The following ITGAD variants were observed in gnomAD, a reference collection of about 807,000 sequenced individuals.
ITGAD encodes integrin alpha-D.
Under a neutral mutation model 139.0 loss-of-function variants are expected in ITGAD, and 105 were observed. The ratio of observed to expected loss-of-function variants is 0.76; its 90% CI spans 0.65 to 0.89. The LOEUF (loss-of-function observed/expected upper bound fraction) is 0.89. Ranked by LOEUF, ITGAD falls within the 40% of genes least tolerant of loss-of-function variation. ITGAD has a pLI of 0.00. For synonymous variants in ITGAD, 569 were observed against 598.3 expected, an observed-to-expected ratio of 0.95 and a Z score of 0.71; for missense variants, 1,384 against 1,487.3, an observed-to-expected ratio of 0.93 and a Z score of 1.14.
Position 31,414,925 on chromosome 16 carries a change from C to T in ITGAD, c.2217C>T (p.Pro739=), listed in dbSNP as rs2081845561. 3 of 1,614,036 alleles carry T rather than the reference C, an allele frequency of 1.9e-6. No individual in the cohort carries two copies. The highest frequency in any genetic ancestry group is 8.5e-7 in the Non-Finnish European group (1 of 1,179,944). ...TCAACTTCTCACTGGTGAGAGAGCCCATCCCCTCCCCCCAGAACCTGCGTC... is the reference window on the plus strand; with the variant it reads ...TCAACTTCTCACTGGTGAGAGAGCCTATCCCCTCCCCCCAGAACCTGCGTC... ...LHLNFSLVRE[P]IPSPQNLRPV... The change falls in exon 18 of 30, where the codon CCC becomes CCT. Residue 739 remains proline, a synonymous_variant. Coordinates refer to ENST00000389202, the MANE Select transcript of ITGAD (RefSeq NM_005353.3).
Position 31,423,588 on chromosome 16 carries a change from A to G in ITGAD, c.2985A>G (p.Ser995=). Residue 995 remains serine, a synonymous_variant, in exon 26 of 30, where the codon TCA becomes TCG. Coordinates refer to ENST00000389202, the MANE Select transcript of ITGAD (RefSeq NM_005353.3). ...EAPSQSLPCV[S]ERKPPQHSDF... ...CTTCCCAGAGTCTCCCCTGTGTTTCAGAGAGAAAACCTCCCCAGCATTCTG... is the reference window on the plus strand; with the variant it reads ...CTTCCCAGAGTCTCCCCTGTGTTTCGGAGAGAAAACCTCCCCAGCATTCTG... The G allele has an allele frequency of 6.2e-7, 1 of 1,614,024 alleles. No individual in the cohort carries two copies.
In ITGAD at chr16:31,402,182, CTT is replaced by C; in HGVS notation, c.497_498del (p.Phe166Ter). On this transcript the variant is annotated frameshift_variant, in exon 6 of 30. Coordinates refer to ENST00000389202, the MANE Select transcript of ITGAD (RefSeq NM_005353.3). LOFTEE classifies it high-confidence loss of function. ...GCTCTGGAAGCATTGACCAAAATGA[CTT>C]TAACCAGATGAAGGGCTTTGTCCAA... is the stretch of plus-strand genomic sequence containing the variant. ...DGSGSIDQNDFNQMKGFVQAV... is the reference protein window; with the variant it reads ...DGSGSIDQNDXNQMKGFVQAV... 1 of 1,586,764 alleles carries C rather than the reference CTT, an allele frequency of 6.3e-7. No homozygotes were observed. The highest frequency in any genetic ancestry group is 8.6e-7 in the Non-Finnish European group (1 of 1,162,568).
chr16:31,423,700 C>T, intron 26 of ITGAD, 52 bp downstream of exon 26: 1 of 1,561,450 alleles, frequency 6.4e-7, no homozygotes, highest in Non-Finnish European at 8.8e-7. Context: ...ACCGGGGATA[C>T]TGGGAAATGT....
chr16:31,418,459 G>T, intron 22 of ITGAD, 22 bp from the exon 23 acceptor site: 1 of 1,611,196 alleles, frequency 6.2e-7, no homozygotes. Context: ...CCTTCCCATT[G>T]GTCCCTCCTT....
chr16:31,420,235 A>T (rs2081982037), intron 23 of ITGAD, among the ~76,000 whole-genome samples: 1 of 152,148 alleles, frequency 6.6e-6, no homozygotes, highest in Non-Finnish European at 1.5e-5. Context: ...AAGGTCTCTT[A>T]AGAGCCTGGC....
At chr16:31,420,703 T>A (rs2081990815) in intron 23 of ITGAD, among the ~76,000 whole-genome samples, 1 of 152,138 alleles carries the variant, frequency 6.6e-6, no homozygotes, top group South Asian at 2.1e-4. Flanking sequence ...GCCTCTCGAG[T>A]AGCTGGGACT....
intron 5 of ITGAD, 86 bp from the exon 6 acceptor site, chr16:31,402,029 C>A: frequency 1.4e-6 from 2 of 1,480,470 alleles, no homozygotes; most frequent in South Asian, 1.3e-5. Flanking sequence ...ATGCCAAGAA[C>A]AGCCCCCGGG....
intron 23 of ITGAD, among the ~76,000 whole-genome samples, chr16:31,421,249 T>TG (rs1567353051): frequency 6.6e-6 from 1 of 152,084 alleles, no homozygotes; most frequent in African/African-American, 2.4e-5. Flanking sequence ...CCCATGCCCA[T>TG]GGCCATACAT....
chr16:31,400,567 G>A (rs1418539864), intron 5 of ITGAD, among the ~76,000 whole-genome samples: 3 of 152,310 alleles, frequency 2.0e-5, no homozygotes, highest in African/African-American at 2.4e-5. Flanking sequence ...GTGCCCTCAC[G>A]ATTGCAGAGT....
In ITGAD at chr16:31,418,175, TC is replaced by T; in HGVS notation, c.2602del (p.His868MetfsTer9). 1.9e-6 allele frequency: 3 copies of T among 1,613,946 alleles called. No individual in the cohort carries two copies. Among genetic ancestry groups the T allele is most frequent in the Non-Finnish European group, 2.5e-6 (3 of 1,179,866 alleles). ...SSRCSVNHPI[F>X]HEGSNGTFIV... ...CGCTGCAGTGTCAACCACCCCATCT[TC>T]CATGAGGGCTCTAACGTCAGTGCTT... On this transcript the variant is annotated frameshift_variant, in exon 21 of 30. Coordinates refer to ENST00000389202, the MANE Select transcript of ITGAD (RefSeq NM_005353.3). LOFTEE classifies it high-confidence loss of function.
intron 5 of ITGAD, 113 bp from the exon 6 acceptor site, chr16:31,402,002 T>A: frequency 8.4e-7 from 1 of 1,187,112 alleles, no homozygotes; most frequent in South Asian, 1.6e-5. Flanking sequence ...CAAGGAGGGG[T>A]CGGAAACTAG....
chr16:31,423,648 G>A lies in ITGAD; in HGVS notation c.3045G>A (p.Leu1015=). ...CCCAGATTTCAAGAAGTCCCATGCTGGTGAGAAAGTCCCTGAACCCCCACC... is the reference window on the plus strand; with the variant it reads ...CCCAGATTTCAAGAAGTCCCATGCTAGTGAGAAAGTCCCTGAACCCCCACC... ...FLTQISRSPM[L]DCSIADCLQF... Residue 1015 remains leucine, a splice_region_variant and synonymous_variant, in exon 26 of 30, where the codon CTG becomes CTA. Coordinates refer to ENST00000389202, the MANE Select transcript of ITGAD (RefSeq NM_005353.3). The A allele has an allele frequency of 1.2e-6, 2 of 1,613,070 alleles. No homozygotes were observed. Among genetic ancestry groups the A allele is most frequent in the Non-Finnish European group, 1.7e-6 (2 of 1,179,266 alleles).
chr16:31,423,408 C>A lies in ITGAD; in HGVS notation c.2916C>A (p.Val972=), dbSNP rs756666422. ...TCAGCATTAACTTCTGGGTTCCTGT[C>A]CTGCTGAACGGGGTGGCTGTGTGGG... The part of the protein sequence containing the change: ...LAISINFWVP[V]LLNGVAVWDV... Residue 972 remains valine, a synonymous_variant, in exon 25 of 30, where the codon GTC becomes GTA. Transcript: ENST00000389202. The A allele has an allele frequency of 4.2e-5, 67 of 1,614,030 alleles. No homozygotes were observed. The Middle Eastern group carries it at 4.9e-4, about 12-fold the overall frequency.
chr16:31,415,133 G>A, intron 18 of ITGAD, 142 bp downstream of exon 18: 1 of 928,048 alleles, frequency 1.1e-6, no homozygotes, highest in Non-Finnish European at 1.6e-6. Flanking sequence ...CTCACACCCA[G>A]GCCTGTGGGT....
chr16:31,407,952 G>A, intron 9 of ITGAD, 36 bp downstream of exon 9: 1 of 1,538,430 alleles, frequency 6.5e-7, no homozygotes, highest in Non-Finnish European at 8.8e-7. Context: ...GGAGCCAAGG[G>A]GTCCCCACCC....
chr16:31,422,825 G>C (rs1051892446), intron 23 of ITGAD, among the ~76,000 whole-genome samples: 1 of 152,076 alleles, frequency 6.6e-6, no homozygotes, highest in Non-Finnish European at 1.5e-5. Flanking sequence ...AGCTGAAGCC[G>C]AGGCAGCAAA....
Position 31,397,422 on chromosome 16 carries a change from C to A in ITGAD, c.201C>A (p.Cys67Ter), listed in dbSNP as rs560106374. 1.2e-6 allele frequency: 2 copies of A among 1,603,066 alleles called. No homozygotes were observed. Among genetic ancestry groups the A allele is most frequent in the East Asian group, 2.3e-5 (1 of 44,312 alleles). The change falls in exon 3 of 30, where the codon TGC becomes TGA. Residue 67 changes from cysteine to a stop codon, truncating the protein, a stop_gained. Coordinates refer to ENST00000389202, the MANE Select transcript of ITGAD (RefSeq NM_005353.3). LOFTEE classifies it high-confidence loss of function. ...AANQTGRLYD[C>*]AAATGMCQPI... Reference sequence around the variant, plus strand: ...ACCAGACGGGACGGCTGTATGACTGCGCAGCTGCCACCGGCATGTGCCAGC... The same window carrying A: ...ACCAGACGGGACGGCTGTATGACTGAGCAGCTGCCACCGGCATGTGCCAGC...
Position 31,393,406 on chromosome 16 carries a change from G to A in ITGAD, c.31+15G>A, listed in dbSNP as rs745579406. The A allele has an allele frequency of 6.2e-7, 1 of 1,613,998 alleles. No homozygotes were observed. Among genetic ancestry groups the A allele is most frequent in the South Asian group, 1.1e-5 (1 of 91,086 alleles). On this transcript the variant is annotated intron_variant, in intron 1 of 29. Coordinates refer to ENST00000389202, the MANE Select transcript of ITGAD (RefSeq NM_005353.3). ...TCTTCTGAGTGGTAAGTGGGGCCAG[G>A]GTGCTGGGGAGAAGCTTGGAGGAGT...
chr16:31,405,157 T>C (rs2081505630), intron 7 of ITGAD, among the ~76,000 whole-genome samples: 2 of 152,126 alleles, frequency 1.3e-5, no homozygotes, highest in Non-Finnish European at 2.9e-5. Flanking sequence ...GGCTAATGTT[T>C]GTATTTTTAG....
Sources: gnomAD v4.1 joint callset for allele counts (sites outside exome capture counted in the v4.1 genomes callset) on GRCh38, gnomAD v4.1.1 for gene constraint, MANE v1.5 for transcripts, NCBI Gene and HGNC (gene_info 2026-07-23, HGNC 2026-07-21) for gene names.